The following GPC6 variants were observed in gnomAD, a reference collection of about 807,000 sequenced individuals.
GPC6 encodes the protein glypican-6.
Under a neutral mutation model 55.2 loss-of-function variants are expected in GPC6, and 14 were observed. The observed-to-expected ratio is 0.25, with a 90% CI of 0.17 to 0.40. The LOEUF (loss-of-function observed/expected upper bound fraction) is 0.40, where lower values mean the gene tolerates loss of function less well. Ranked by LOEUF, GPC6 falls within the 10% of genes least tolerant of loss-of-function variation. The probability of loss-of-function intolerance (pLI) is 1.00; values close to 1 mark genes in which losing one functional copy is unlikely to be tolerated. For synonymous variants in GPC6, 278 were observed against 259.6 expected (o/e 1.07, Z -0.68); for missense variants, 641 against 708.5 (o/e 0.90, Z 1.08).
chr13:93,744,923 C>A (rs1179684987), intron 2 of GPC6, among the ~76,000 whole-genome samples: 6 of 148,600 alleles, frequency 4.0e-5, no homozygotes, highest in Non-Finnish European at 9.0e-5. Context: ...GGCAACAGAG[C>A]AAGACTCTGT....
At chr13:93,689,667 C>G (rs1356229527) in intron 2 of GPC6, among the ~76,000 whole-genome samples, 1 of 152,062 alleles carries the variant, frequency 6.6e-6, no homozygotes. Flanking sequence ...CAGGTCAGAC[C>G]TAAAACATTA....
At position 93,962,416 on chromosome 13, in the gene GPC6, A is replaced by T. The variant is rs1259972304; in HGVS notation, c.712-65313A>T. Among the ~76,000 whole-genome samples the T allele has an allele frequency of 3.3e-5, 5 of 151,962 alleles. No homozygotes were observed. The East Asian group carries it at 5.8e-4, about 18-fold the overall frequency. ...AATTTAGTAACAGTAGTTAGCAAAAAATATATATATATTTTTTTTCTTTCT... is the reference window on the plus strand; with the variant it reads ...AATTTAGTAACAGTAGTTAGCAAAATATATATATATATTTTTTTTCTTTCT... On this transcript the variant is annotated intron_variant, in intron 3 of 8. Coordinates refer to ENST00000377047, the MANE Select transcript of GPC6 (RefSeq NM_005708.5).
chr13:94,133,435 A>G (rs1282977702), intron 4 of GPC6, among the ~76,000 whole-genome samples: 1 of 152,174 alleles, frequency 6.6e-6, no homozygotes, highest in East Asian at 1.9e-4. Flanking sequence ...AAAAAATCAA[A>G]TTAAAAAATC....
At chr13:93,615,188 T>C (rs1269457728) in intron 2 of GPC6, among the ~76,000 whole-genome samples, 1 of 152,202 alleles carries the variant, frequency 6.6e-6, no homozygotes, top group African/African-American at 2.4e-5. Context: ...GTATACTTCC[T>C]AGAATTTAAC....
chr13:93,321,408 T>C (rs1356547944), intron 1 of GPC6, among the ~76,000 whole-genome samples: 1 of 152,186 alleles, frequency 6.6e-6, no homozygotes, highest in Non-Finnish European at 1.5e-5. Flanking sequence ...CAGGTAGTGC[T>C]TTCTTCTGTT....
At chr13:93,376,701 A>G (rs1022797475) in intron 1 of GPC6, among the ~76,000 whole-genome samples, 4 of 151,710 alleles carry the variant, frequency 2.6e-5, no homozygotes, top group African/African-American at 9.7e-5. Flanking sequence ...GTTAGTAACT[A>G]TATGAAAACT....
chr13:94,030,226 G>T (rs1385352453), intron 4 of GPC6, among the ~76,000 whole-genome samples: 2 of 152,014 alleles, frequency 1.3e-5, no homozygotes, highest in Admixed American at 1.3e-4. Flanking sequence ...AGCCAGGATG[G>T]TCTCGATTTC....
At chr13:94,250,671 A>T (rs1016734296) in intron 4 of GPC6, among the ~76,000 whole-genome samples, 1 of 152,178 alleles carries the variant, frequency 6.6e-6, no homozygotes, top group Non-Finnish European at 1.5e-5. Context: ...CCCCTGTGAG[A>T]AAAACAATGG....
chr13:93,785,946 G>C (rs1885803169), intron 2 of GPC6, among the ~76,000 whole-genome samples: 1 of 152,050 alleles, frequency 6.6e-6, no homozygotes, highest in Non-Finnish European at 1.5e-5. Flanking sequence ...TGGGCAACAG[G>C]CCCTGTCTCA....
intron 3 of GPC6, among the ~76,000 whole-genome samples, chr13:93,852,907 C>A (rs1274959131): frequency 6.6e-6 from 1 of 151,550 alleles, no homozygotes; most frequent in Non-Finnish European, 1.5e-5. Context: ...TTATTTTGTA[C>A]AAAAATTTAT....
chr13:94,337,731 A>G (rs1365907983), intron 6 of GPC6, among the ~76,000 whole-genome samples: 1 of 152,206 alleles, frequency 6.6e-6, no homozygotes, highest in Non-Finnish European at 1.5e-5. Flanking sequence ...TACAGGCGTA[A>G]TTCATGATAT....
intron 3 of GPC6, among the ~76,000 whole-genome samples, chr13:93,917,368 A>G (rs1467088427): frequency 6.6e-6 from 1 of 152,064 alleles, no homozygotes; most frequent in East Asian, 1.9e-4. Flanking sequence ...AAAACCCAGC[A>G]CTGTTTTTTT....
At chr13:93,597,328 A>C (rs1215861423) in intron 2 of GPC6, among the ~76,000 whole-genome samples, 3 of 152,222 alleles carry the variant, frequency 2.0e-5, no homozygotes, top group Non-Finnish European at 2.9e-5. Flanking sequence ...TGAATGCCAC[A>C]GATAAAATCT....
At chr13:93,992,280 T>C (rs1407593783) in intron 3 of GPC6, among the ~76,000 whole-genome samples, 2 of 151,968 alleles carry the variant, frequency 1.3e-5, no homozygotes, top group African/African-American at 4.8e-5. Flanking sequence ...GTTTTATTTT[T>C]GTATTTAAGA....
chr13:93,546,365 A>G (rs887511382), intron 2 of GPC6, among the ~76,000 whole-genome samples: 13 of 152,190 alleles, frequency 8.5e-5, no homozygotes, highest in Non-Finnish European at 1.8e-4. Flanking sequence ...TTTTCTGTGT[A>G]GTAGGTAAAA....
At chr13:94,399,457 G>C (rs9589995) in intron 8 of GPC6, among the ~76,000 whole-genome samples, 9,138 of 152,186 alleles carry the variant, frequency 0.06, 729 homozygotes, top group African/African-American at 0.19. Flanking sequence ...TTCTGTCATT[G>C]TTGCTTGTTG....
intron 6 of GPC6, among the ~76,000 whole-genome samples, chr13:94,323,085 G>A (rs1566674301): frequency 6.6e-6 from 1 of 152,116 alleles, no homozygotes; most frequent in Non-Finnish European, 1.5e-5. Context: ...TGAGGATGAC[G>A]GGATTGCGAA....
intron 4 of GPC6, among the ~76,000 whole-genome samples, chr13:94,062,518 T>C (rs1884367811): frequency 6.6e-6 from 1 of 152,160 alleles, no homozygotes; most frequent in Non-Finnish European, 1.5e-5. Context: ...CCCAAAGTTC[T>C]GTGATTACAG....
intron 2 of GPC6, among the ~76,000 whole-genome samples, chr13:93,646,454 C>T (rs1193993467): frequency 6.6e-6 from 1 of 152,048 alleles, no homozygotes; most frequent in Admixed American, 6.6e-5. Context: ...TGCCAGAAAT[C>T]TGTTCCGTAA....
Sources: allele counts gnomAD v4.1 joint callset (sites outside exome capture counted in the v4.1 genomes callset), GRCh38; gene constraint gnomAD v4.1.1; transcripts MANE v1.5; gene names NCBI Gene and HGNC (gene_info 2026-07-23, HGNC 2026-07-21).